The following GRM3 variants were observed in gnomAD, a reference collection of about 807,000 sequenced individuals.
GRM3 encodes glutamate metabotropic receptor 3, also known as metabotropic glutamate receptor 3.
In GRM3, 26 loss-of-function variants were observed where a neutral mutation model predicts 70.5. That is an observed-to-expected ratio of 0.37 (90% CI 0.27 to 0.51). GRM3 has a LOEUF of 0.51. Among genes scored for constraint, GRM3 ranks in the 20% least tolerant of loss-of-function variants. The pLI is 0.93. For missense variants in GRM3, 859 were observed against 1,123.8 expected (o/e 0.76, Z 3.37); for synonymous variants, 443 against 434.9 (o/e 1.02, Z -0.23).
At chr7:86,863,924 G>A (rs1241603664) in intron 5 of GRM3, among the ~76,000 whole-genome samples, 1 of 152,180 alleles carries the variant, frequency 6.6e-6, no homozygotes, top group Non-Finnish European at 1.5e-5. Flanking sequence ...CTAATTTGGA[G>A]CAGAACATAT....
At chr7:86,647,356 TAGCAC>T (rs1793498600) in intron 1 of GRM3, among the ~76,000 whole-genome samples, 1 of 152,208 alleles carries the variant, frequency 6.6e-6, no homozygotes, top group Non-Finnish European at 1.5e-5. Context: ...TGCCAAAATG[TAGCAC>T]ATTGGCTTGG....
chr7:86,817,648 G>A (rs2188293), intron 3 of GRM3, among the ~76,000 whole-genome samples: 1 of 151,892 alleles, frequency 6.6e-6, no homozygotes, highest in Admixed American at 6.6e-5. Flanking sequence ...GATTTTCTGA[G>A]GCTTGTCAAG....
intron 1 of GRM3, among the ~76,000 whole-genome samples, chr7:86,746,380 C>CTTCAATAGAA (rs1796106717): frequency 1.2e-5 from 1 of 84,822 alleles, no homozygotes; most frequent in African/African-American, 6.3e-5. Flanking sequence ...TATATAATCA[C>CTTCAATAGAA]TTCAATAGAA....
At chr7:86,764,618 G>C (rs1249811250) in intron 1 of GRM3, among the ~76,000 whole-genome samples, 5 of 151,920 alleles carry the variant, frequency 3.3e-5, no homozygotes, top group African/African-American at 7.3e-5. Context: ...AAAGAGAAGG[G>C]ATATAAACTC....
At chr7:86,726,546 T>A (rs1795597065) in intron 1 of GRM3, among the ~76,000 whole-genome samples, 1 of 152,196 alleles carries the variant, frequency 6.6e-6, no homozygotes, top group South Asian at 2.1e-4. Context: ...CAAATTCTTT[T>A]CTGAATCTGG....
chr7:86,680,887 C>T (rs149941988), intron 1 of GRM3, among the ~76,000 whole-genome samples: 265 of 152,272 alleles, frequency 1.7e-3, no homozygotes, highest in Middle Eastern at 3.4e-3. Flanking sequence ...GGCCTGCCCA[C>T]ATGTAATGTA....
intron 1 of GRM3, among the ~76,000 whole-genome samples, chr7:86,714,599 T>C (rs1034038850): frequency 6.6e-6 from 1 of 152,046 alleles, no homozygotes. Context: ...TGTTAAGTAA[T>C]TGACCTGCTA....
intron 1 of GRM3, among the ~76,000 whole-genome samples, chr7:86,665,882 CG>C (rs1238244414): frequency 1.3e-5 from 2 of 151,998 alleles, no homozygotes; most frequent in African/African-American, 4.8e-5. Flanking sequence ...GAGTGTCAGA[CG>C]TTTACTTACA....
rs116010475 is a variant in GRM3, at chr7:86,729,684, T to G, written c.-140-35322T>G. On this transcript the variant is annotated intron_variant, in intron 1 of 5. Coordinates refer to ENST00000361669, the MANE Select transcript of GRM3 (RefSeq NM_000840.3). ...ACAGGATCTGAGTGAATTATTTGTA[T>G]GTTCTTATAGAGTAACAAATAATTT... 9.0e-3 allele frequency among the ~76,000 whole-genome samples: 1,373 copies of G among 152,352 alleles called. 17 individuals are homozygous for G. Among genetic ancestry groups the G allele is most frequent in the African/African-American group, 0.031 (1,308 of 41,584 alleles).
At chr7:86,808,048 T>C (rs964401158) in intron 3 of GRM3, among the ~76,000 whole-genome samples, 1 of 152,140 alleles carries the variant, frequency 6.6e-6, no homozygotes, top group African/African-American at 2.4e-5. Flanking sequence ...GGATTACATT[T>C]ATTGATTTGT....
chr7:86,718,098 T>G (rs192528122), intron 1 of GRM3, among the ~76,000 whole-genome samples: 1 of 152,134 alleles, frequency 6.6e-6, no homozygotes, highest in Non-Finnish European at 1.5e-5. Flanking sequence ...GAATGTGATA[T>G]TTTAGCCTTT....
At chr7:86,782,671 A>T (rs1256751130) in intron 2 of GRM3, among the ~76,000 whole-genome samples, 1 of 152,240 alleles carries the variant, frequency 6.6e-6, no homozygotes, top group Admixed American at 6.5e-5. Context: ...ACATACATAC[A>T]GACAGCACCC....
intron 1 of GRM3, among the ~76,000 whole-genome samples, chr7:86,702,008 A>T (rs1304158171): frequency 6.6e-6 from 1 of 152,018 alleles, no homozygotes; most frequent in Non-Finnish European, 1.5e-5. Context: ...CATGCCAGGA[A>T]ATATCTGAGA....
intron 1 of GRM3, among the ~76,000 whole-genome samples, chr7:86,705,514 C>T (rs1295269757): frequency 6.6e-6 from 1 of 152,026 alleles, no homozygotes. Flanking sequence ...TGGTTTAAGT[C>T]ATCTATAGGC....
At chr7:86,742,089 C>G (rs1309055366) in intron 1 of GRM3, among the ~76,000 whole-genome samples, 1 of 152,186 alleles carries the variant, frequency 6.6e-6, no homozygotes, top group African/African-American at 2.4e-5. Flanking sequence ...CTGGAATCAT[C>G]TAAAGGCTTG....
Position 86,839,586 on chromosome 7 carries a change from T to C in GRM3, c.2072T>C (p.Ile691Thr), listed in dbSNP as rs375977388. 19 of 1,612,876 alleles carry C rather than the reference T, an allele frequency of 1.2e-5. No individual in the cohort carries two copies. Among genetic ancestry groups the C allele is most frequent in the Non-Finnish European group, 1.4e-5 (17 of 1,179,402 alleles). The change falls in exon 4 of 6, where the codon ATC becomes ACC. Residue 691 changes from isoleucine to threonine, a missense_variant. By Grantham distance (89) the Ile-to-Thr change is moderately conservative (BLOSUM62 -1). Coordinates refer to ENST00000361669, the MANE Select transcript of GRM3 (RefSeq NM_000840.3). The surrounding 1 kb of genome is among the most constrained non-coding windows in gnomAD (Gnocchi z 4.5). The stretch of plus-strand genomic sequence containing the variant: ...ATCAGCCCCAGTTCTCAGGTTTTCA[T>C]CTGCCTGGGTCTGATCCTGGTGCAA... ...KFISPSSQVF[I>T]CLGLILVQIV... is the part of the protein sequence containing the mutation.
chr7:86,710,678 G>A (rs1286920684), intron 1 of GRM3, among the ~76,000 whole-genome samples: 2 of 151,452 alleles, frequency 1.3e-5, no homozygotes, highest in African/African-American at 4.9e-5. Context: ...GTGGAATGAA[G>A]AAAATAAAGT....
intron 5 of GRM3, among the ~76,000 whole-genome samples, chr7:86,851,827 A>G (rs528605022): frequency 1.3e-5 from 2 of 152,288 alleles, no homozygotes; most frequent in South Asian, 4.1e-4. Flanking sequence ...TTAGAGAAAT[A>G]TGTTGATTTC....
chr7:86,816,037 G>T (rs907044645), intron 3 of GRM3, among the ~76,000 whole-genome samples: 2 of 151,842 alleles, frequency 1.3e-5, no homozygotes, highest in Non-Finnish European at 2.9e-5. Flanking sequence ...CATAAGAATG[G>T]CCAGGTAAAG....
Sources: allele counts gnomAD v4.1 joint callset (sites outside exome capture counted in the v4.1 genomes callset), GRCh38; gene constraint gnomAD v4.1.1; non-coding constraint Gnocchi (gnomAD v3.1); transcripts MANE v1.5; gene names NCBI Gene and HGNC (gene_info 2026-07-23, HGNC 2026-07-21).